NRG1: variants seen among roughly 807,000 people sequenced by gnomAD.
NRG1 encodes the protein neuregulin 1, also known as pro-neuregulin-1, membrane-bound isoform.
NRG1 carries 18 observed loss-of-function variants against 63.8 expected under a neutral mutation model. The ratio of observed to expected loss-of-function variants is 0.28; its 90% confidence interval spans 0.19 to 0.42. The LOEUF (loss-of-function observed/expected upper bound fraction) is 0.42. Ranked by LOEUF, NRG1 falls within the 10% of genes least tolerant of loss-of-function variation. NRG1 has a pLI of 1.00. For missense variants in NRG1, 762 were observed against 814.7 expected (o/e 0.94, Z 0.79); for synonymous variants, 302 against 301.3 (o/e 1.00, Z -0.02).
chr8:31,708,446 G>GTTTT (rs771665636), intron 1 of NRG1, among the ~76,000 whole-genome samples: 1 of 85,486 alleles, frequency 1.2e-5, no homozygotes, highest in Non-Finnish European at 2.5e-5. Flanking sequence ...AAACATAATT[G>GTTTT]TTTTTTTTTT....
intron 1 of NRG1, among the ~76,000 whole-genome samples, chr8:31,650,849 T>C (rs1219605280): frequency 1.3e-5 from 2 of 152,214 alleles, no homozygotes; most frequent in Non-Finnish European, 2.9e-5. Context: ...GAAGAATCCT[T>C]TCCACTTTCA....
intron 1 of NRG1, among the ~76,000 whole-genome samples, chr8:32,371,119 G>A (rs1426175082): frequency 2.0e-5 from 3 of 152,128 alleles, no homozygotes; most frequent in African/African-American, 7.2e-5. Context: ...GGCTGAGACA[G>A]GAGAATTGCT....
intron 2 of NRG1, among the ~76,000 whole-genome samples, chr8:32,604,615 G>C (rs770971438): frequency 5.3e-5 from 8 of 152,146 alleles, no homozygotes; most frequent in Non-Finnish European, 1.2e-4. Context: ...GGAGTGCAGT[G>C]ACTCTTCACC....
At chr8:31,967,635 G>A (rs192323452) in intron 1 of NRG1, among the ~76,000 whole-genome samples, 40 of 152,176 alleles carry the variant, frequency 2.6e-4, no homozygotes, top group Non-Finnish European at 3.8e-4. Flanking sequence ...AGAAGGCAGG[G>A]TGAGGAAGGA....
At chr8:32,064,875 C>T (rs751127217) in intron 1 of NRG1, among the ~76,000 whole-genome samples, 58 of 151,974 alleles carry the variant, frequency 3.8e-4, no homozygotes, top group Non-Finnish European at 5.6e-4. Context: ...ATTTTAAGTA[C>T]AGATACTGAA....
chr8:32,090,358 G>C (rs1403278694), intron 1 of NRG1, among the ~76,000 whole-genome samples: 1 of 152,148 alleles, frequency 6.6e-6, no homozygotes, highest in Non-Finnish European at 1.5e-5. Context: ...CTTAGGAAAA[G>C]AGTCCGGGTT....
Position 31,788,641 on chromosome 8 carries a change from G to C in NRG1, c.37+149210G>C, listed in dbSNP as rs954414082. On this transcript the variant is annotated intron_variant, in intron 1 of 10. Transcript: ENST00000519301. ...CACTGGGGATATTTTAATTTGTAGT[G>C]ATTTGTTGTTGTTGAGCAATAAACA... is the stretch of plus-strand genomic sequence containing the variant. Among the ~76,000 whole-genome samples the C allele has an allele frequency of 3.3e-5, 5 of 152,120 alleles. No individual in the cohort carries two copies. In the South Asian group the frequency reaches 1.0e-3, roughly 32 times the overall value.
chr8:31,644,708 T>G (rs1804125899), intron 1 of NRG1, among the ~76,000 whole-genome samples: 1 of 152,182 alleles, frequency 6.6e-6, no homozygotes, highest in Admixed American at 6.5e-5. Flanking sequence ...GATACCTATT[T>G]TCTTCCTGTT....
intron 5 of NRG1, among the ~76,000 whole-genome samples, chr8:32,652,919 T>C (rs765414204): frequency 4.6e-5 from 7 of 152,162 alleles, no homozygotes; most frequent in Non-Finnish European, 7.4e-5. Flanking sequence ...GAAGAGGTAT[T>C]TTATAGATTG....
chr8:31,866,593 A>G (rs1206257633), intron 1 of NRG1, among the ~76,000 whole-genome samples: 2 of 152,112 alleles, frequency 1.3e-5, no homozygotes, highest in Admixed American at 1.3e-4. Flanking sequence ...AAATTCTCCT[A>G]TAATATGCTA....
At chr8:32,466,869 T>C (rs1457919373) in intron 1 of NRG1, among the ~76,000 whole-genome samples, 1 of 152,122 alleles carries the variant, frequency 6.6e-6, no homozygotes, top group East Asian at 1.9e-4. Flanking sequence ...GATACATATG[T>C]GAATATTATA....
At chr8:31,760,407 T>G (rs140567128) in intron 1 of NRG1, among the ~76,000 whole-genome samples, 12 of 152,244 alleles carry the variant, frequency 7.9e-5, no homozygotes, top group African/African-American at 2.6e-4. Flanking sequence ...ACTTCATGTC[T>G]AAAACATCAA....
At chr8:31,941,709 T>C (rs959735168) in intron 1 of NRG1, among the ~76,000 whole-genome samples, 10 of 152,070 alleles carry the variant, frequency 6.6e-5, no homozygotes, top group Admixed American at 2.6e-4. Flanking sequence ...GGATACAAAA[T>C]TAATGTAAAA....
intron 1 of NRG1, among the ~76,000 whole-genome samples, chr8:32,417,915 A>G (rs971948776): frequency 6.6e-6 from 1 of 152,064 alleles, no homozygotes; most frequent in Admixed American, 6.5e-5. Context: ...TTTGTTGTTA[A>G]TCACTTATTT....
chr8:32,638,003 C>A (rs747394827), intron 5 of NRG1, among the ~76,000 whole-genome samples: 5 of 152,024 alleles, frequency 3.3e-5, no homozygotes, highest in Admixed American at 6.6e-5. Context: ...TGGCTCTAGG[C>A]GAGAGAAAGT....
At chr8:32,143,210 T>C (rs927499595) in intron 1 of NRG1, among the ~76,000 whole-genome samples, 1 of 151,974 alleles carries the variant, frequency 6.6e-6, no homozygotes, top group Non-Finnish European at 1.5e-5. Context: ...AGATGGCCTG[T>C]GTCTAGAGTA....
At chr8:32,396,579 G>A in intron 1 of NRG1, among the ~76,000 whole-genome samples, 1 of 152,062 alleles carries the variant, frequency 6.6e-6, no homozygotes, top group East Asian at 1.9e-4. Flanking sequence ...CTCCCAAGTA[G>A]CTGGGATTAC....
chr8:31,879,675 G>C (rs904937390), intron 1 of NRG1, among the ~76,000 whole-genome samples: 5 of 152,106 alleles, frequency 3.3e-5, no homozygotes, highest in Non-Finnish European at 7.4e-5. Context: ...CTCAGTACCT[G>C]GTAGTTATCT....
chr8:32,144,156 C>T (rs553267804), intron 1 of NRG1, among the ~76,000 whole-genome samples: 1 of 152,128 alleles, frequency 6.6e-6, no homozygotes, highest in African/African-American at 2.4e-5. Flanking sequence ...CTGAGAGAGA[C>T]AAAGCAACAC....
Sources: allele counts gnomAD v4.1 joint callset (sites outside exome capture counted in the v4.1 genomes callset), GRCh38; gene constraint gnomAD v4.1.1; transcripts MANE v1.5; gene names NCBI Gene and HGNC (gene_info 2026-07-23, HGNC 2026-07-21).